The following SPOCD1 variants were observed in gnomAD, a reference collection of about 807,000 sequenced individuals.
The protein encoded by SPOCD1 is SPOC domain containing 1, also known as SPOC domain-containing protein 1.
Under a neutral mutation model 92.2 loss-of-function variants are expected in SPOCD1, and 64 were observed. The ratio of observed to expected loss-of-function variants is 0.69; its 90% CI spans 0.57 to 0.86. SPOCD1 has a LOEUF of 0.86. Ranked by LOEUF, SPOCD1 falls within the 40% of genes least tolerant of loss-of-function variation. The probability of loss-of-function intolerance (pLI) is 0.00; values close to 1 mark genes in which losing one functional copy is unlikely to be tolerated. For missense variants in SPOCD1, 1,360 were observed against 1,543.1 expected (o/e 0.88, Z 1.99); for synonymous variants, 578 against 619.3 (o/e 0.93, Z 0.99).
At chr1:31,812,090 C>T (rs912338716) in intron 2 of SPOCD1, among the ~76,000 whole-genome samples, 23 of 152,216 alleles carry the variant, frequency 1.5e-4, no homozygotes, top group African/African-American at 5.1e-4. Context: ...GAGTATTTTT[C>T]TTGCACCAAG....
At chr1:31,796,127 A>C in intron 10 of SPOCD1, 1 of 260,270 alleles carries the variant, frequency 3.8e-6, no homozygotes, top group Non-Finnish European at 7.6e-6. Flanking sequence ...TCTGAGGACA[A>C]GTTCCAGGAG....
intron 11 of SPOCD1, 79 bp from the exon 12 acceptor site, chr1:31,793,976 G>A: frequency 6.5e-7 from 1 of 1,549,380 alleles, no homozygotes; most frequent in Admixed American, 1.8e-5. Context: ...AGCCAGGGTT[G>A]AACCAGGTTC....
intron 10 of SPOCD1, 36 bp downstream of exon 10, chr1:31,796,554 G>C: frequency 6.2e-7 from 1 of 1,614,210 alleles, no homozygotes; most frequent in East Asian, 2.2e-5. Context: ...CCCAGGCATG[G>C]GCTCTGCCCA....
Position 31,801,695 on chromosome 1 carries a change from T to C in SPOCD1, c.1394A>G (p.Lys465Arg). The C allele has an allele frequency of 6.2e-7, 1 of 1,613,824 alleles. No individual in the cohort carries two copies. Among genetic ancestry groups the C allele is most frequent in the East Asian group, 2.2e-5 (1 of 44,878 alleles). ...PGGCPRLEEV[K>R]IPHGVKLVCY... ...CACAAGCTTCACTCCATGGGGTATT[T>C]TCACTTCCTCCTTGGAGAGAAAGAG... Residue 465 changes from lysine (K) to arginine (R), a missense_variant, in exon 3 of 16, where the codon AAA becomes AGA. This residue lies in a region of SPOCD1 where 606 missense variants were observed against 601.5 expected (regional missense o/e 1.01). Transcript: ENST00000360482.
At position 31,799,404 on chromosome 1, in the gene SPOCD1, G is replaced by A; in HGVS notation, c.1865C>T (p.Thr622Ile). The A allele has an allele frequency of 1.9e-6, 3 of 1,608,674 alleles. No individual in the cohort carries two copies. Among genetic ancestry groups the A allele is most frequent in the Non-Finnish European group, 2.5e-6 (3 of 1,177,778 alleles). ...GGAGTGGGGAGCAAGGCCTCACCGA[G>A]TCCATAGTACCTCCTGCATGGAACG... is the stretch of plus-strand genomic sequence containing the variant. Reference protein sequence around the residue: ...VVRSMQEVLWTRLRELPDPVL... With the variant: ...VVRSMQEVLWIRLRELPDPVL... The change falls in exon 7 of 16, where the codon ACT becomes ATT. Residue 622 changes from threonine to isoleucine, a missense_variant. Transcript: ENST00000360482.
Position 31,800,092 on chromosome 1 carries a change from A to G in SPOCD1, c.1652T>C (p.Leu551Pro). The change falls in exon 5 of 16, where the codon CTC becomes CCC. Residue 551 changes from leucine (L) to proline (P), a missense_variant. Coordinates refer to ENST00000360482, the MANE Select transcript of SPOCD1 (RefSeq NM_144569.7). ...TCTTGGAGGGTAGAAGGGGTCAGAG[A>G]GGCCACCAGGGTCCCCTGCTGTGCC... ...SGGTAGDPGG[L>P]SDPFYPPRSG... The G allele has an allele frequency of 6.2e-7, 1 of 1,605,980 alleles. No individual in the cohort carries two copies. The highest frequency in any genetic ancestry group is 8.5e-7 in the Non-Finnish European group (1 of 1,177,734).
In SPOCD1 at chr1:31,790,655, A is replaced by G. The variant is rs763005469; in HGVS notation, c.3599T>C (p.Leu1200Ser). 8.4e-6 allele frequency: 13 copies of G among 1,551,876 alleles called. No individual in the cohort carries two copies. The highest frequency in any genetic ancestry group is 8.7e-6 in the Non-Finnish European group (10 of 1,147,108). Residue 1200 changes from leucine (L) to serine (S), a missense_variant, in exon 16 of 16, where the codon TTG (leucine) becomes TCG (serine). Physicochemically the swap from Leu to Ser is moderately radical, Grantham distance 145. Around this residue, in one of 3 missense-constraint regions of SPOCD1, gnomAD observed 614 missense variants for 757.8 expected, o/e 0.81. Transcript: ENST00000360482. ...AGAGCCAGCTTCATCTGTAGGCCCC[A>G]AAGAGGAGTCACGGGCTGGGCCAGG... is the stretch of plus-strand genomic sequence containing the variant. ...EPPGPARDSS[L>S]GPTDEAGSEC...
At chr1:31,801,033 C>G (rs2149107359) in intron 3 of SPOCD1, among the ~76,000 whole-genome samples, 1 of 152,340 alleles carries the variant, frequency 6.6e-6, no homozygotes, top group African/African-American at 2.4e-5. Flanking sequence ...ATGCCCCTTT[C>G]AGGGGTCACT....
Position 31,790,559 on chromosome 1 carries a change from A to C in SPOCD1, c.*44T>G, listed in dbSNP as rs768203504. 3 of 1,520,582 alleles carry C rather than the reference A, an allele frequency of 2.0e-6. No individual in the cohort carries two copies. In the South Asian group the frequency reaches 3.6e-5, roughly 18 times the overall value. The allele number at this position is 1,520,582 out of a possible 1,614,324, so 94.2% of individuals were successfully genotyped here. On this transcript the variant is annotated 3_prime_UTR_variant, in exon 16 of 16. Transcript: ENST00000360482. ...ACCTCTCTCTGGAACAGGCTTCAAC[A>C]CTAGTGAGGGCATCAAAACCCCTGT...
At position 31,814,347 on chromosome 1, in the gene SPOCD1, G is replaced by A. The variant is rs1338851730; in HGVS notation, c.987C>T (p.Cys329=). ...CAGAGGCCTGTGCTGACGCCCCCAG[G>A]CACAGTGCTGCGCTCTGTGGAGGAG... ...AQAPPQSAAL[C]LGASAQASAE... Residue 329 remains cysteine (C), a synonymous_variant, in exon 2 of 16, where the codon TGC becomes TGT. Transcript: ENST00000360482. This position sits in a 1 kb window ranked among gnomAD's most constrained non-coding sequence, Gnocchi z 4.2. 1.9e-6 allele frequency: 3 copies of A among 1,585,372 alleles called. No individual in the cohort carries two copies. Among genetic ancestry groups the A allele is most frequent in the Non-Finnish European group, 2.6e-6 (3 of 1,162,664 alleles).
At chr1:31,793,192 A>G (rs1169315422) in intron 13 of SPOCD1, 86 bp downstream of exon 13, 14 of 1,454,358 alleles carry the variant, frequency 9.6e-6, no homozygotes, top group African/African-American at 1.4e-5. Flanking sequence ...TTGTTTTAGA[A>G]TGCATGAGTG....
At chr1:31,797,432 G>A (rs936693372) in intron 9 of SPOCD1, among the ~76,000 whole-genome samples, 2 of 152,190 alleles carry the variant, frequency 1.3e-5, no homozygotes, top group Admixed American at 1.3e-4. Context: ...AGCAGTTGTT[G>A]AACAAAGGGC....
At chr1:31,815,433 G>C in intron 1 of SPOCD1, 61 bp from the exon 2 acceptor site, 1 of 1,258,064 alleles carries the variant, frequency 7.9e-7, no homozygotes, top group Non-Finnish European at 1.1e-6. Context: ...AGCCCGTTCA[G>C]TGGGAACTGG....
At chr1:31,813,702 C>A (rs1178557470) in intron 2 of SPOCD1, among the ~76,000 whole-genome samples, 1 of 152,226 alleles carries the variant, frequency 6.6e-6, no homozygotes, top group Non-Finnish European at 1.5e-5. Flanking sequence ...AGGAAGTGGG[C>A]AGAGGCAAAA....
chr1:31,798,511 T>C lies in SPOCD1; in HGVS notation c.1959A>G (p.Gln653=). ...GIEAALWDLT[Q]GTNGRYKTKY... Reference sequence around the variant, plus strand: ...TGGTCTTGTACCGGCCATTGGTGCCTTGTGTCAGGTCCCAGAGGGCTGCCT... The same window carrying C: ...TGGTCTTGTACCGGCCATTGGTGCCCTGTGTCAGGTCCCAGAGGGCTGCCT... The change falls in exon 8 of 16, where the codon CAA becomes CAG. Residue 653 remains glutamine, a synonymous_variant. Coordinates refer to ENST00000360482, the MANE Select transcript of SPOCD1 (RefSeq NM_144569.7). This position sits in a 1 kb window ranked among gnomAD's most constrained non-coding sequence, Gnocchi z 4.1. 6.2e-7 allele frequency: 1 copy of C among 1,614,030 alleles called. No individual in the cohort carries two copies. The highest frequency in any genetic ancestry group is 8.5e-7 in the Non-Finnish European group (1 of 1,180,024).
Position 31,799,997 on chromosome 1 carries a change from C to T in SPOCD1, c.1728+19G>A, listed in dbSNP as rs757323598. 1.6e-5 allele frequency: 25 copies of T among 1,611,480 alleles called. No individual in the cohort carries two copies. Among genetic ancestry groups the T allele is most frequent in the Non-Finnish European group, 2.0e-5 (23 of 1,178,592 alleles). ...ATGCTCCAGTGAAGGAGGCACATGG[C>T]CGGGGCAGAACAACTTGCCTGGGAA... On this transcript the variant is annotated intron_variant, in intron 5 of 15. Coordinates refer to ENST00000360482, the MANE Select transcript of SPOCD1 (RefSeq NM_144569.7).
At chr1:31,810,611 G>A (rs548338089) in intron 2 of SPOCD1, among the ~76,000 whole-genome samples, 2 of 152,278 alleles carry the variant, frequency 1.3e-5, no homozygotes, top group African/African-American at 2.4e-5. Context: ...GCCTCCCAAA[G>A]TGCTGGGATT....
At chr1:31,800,675 G>A (rs1396329520) in intron 3 of SPOCD1, 58 bp from the exon 4 acceptor site, 67 of 1,435,766 alleles carry the variant, frequency 4.7e-5, no homozygotes, top group Non-Finnish European at 6.3e-5. Flanking sequence ...CCCGCCTTCA[G>A]AGTGCTCGCC....
chr1:31,800,338 G>C (rs781370369), intron 4 of SPOCD1, 103 bp downstream of exon 4: 3 of 1,432,846 alleles, frequency 2.1e-6, no homozygotes, highest in Admixed American at 2.6e-5. Flanking sequence ...CTGAATGACC[G>C]CGAGCAAGTG....
Sources: allele counts gnomAD v4.1 joint callset (sites outside exome capture counted in the v4.1 genomes callset), GRCh38; gene constraint gnomAD v4.1.1; regional missense constraint gnomAD v4.1.1; non-coding constraint Gnocchi (gnomAD v3.1); transcripts MANE v1.5; gene names NCBI Gene and HGNC (gene_info 2026-07-23, HGNC 2026-07-21).